Variants in DTNB observed in about 807,000 individuals in gnomAD.
DTNB encodes DTN-B.
DTNB carries 63 observed loss-of-function variants against 90.7 expected under a neutral mutation model. The ratio of observed to expected loss-of-function variants is 0.69; its 90% CI spans 0.57 to 0.86. The LOEUF (loss-of-function observed/expected upper bound fraction) is 0.86, where lower values mean the gene tolerates loss of function less well. Ranked by LOEUF, DTNB falls within the 40% of genes least tolerant of loss-of-function variation. DTNB has a pLI of 0.00. For synonymous variants in DTNB, 277 were observed against 286.7 expected (o/e 0.97, Z 0.34); for missense variants, 744 against 807.1 (o/e 0.92, Z 0.95).
At chr2:25,401,189 C>A (rs2043624761) in intron 16 of DTNB, among the ~76,000 whole-genome samples, 1 of 152,138 alleles carries the variant, frequency 6.6e-6, no homozygotes, top group Non-Finnish European at 1.5e-5. Flanking sequence ...GGGATCACAG[C>A]ACAATGTTTC....
At chr2:25,630,484 T>C (rs2075418914) in intron 3 of DTNB, among the ~76,000 whole-genome samples, 1 of 152,130 alleles carries the variant, frequency 6.6e-6, no homozygotes. Flanking sequence ...TCCATCAATA[T>C]AGATACACGG....
At chr2:25,643,362 G>A (rs1467307124) in intron 2 of DTNB, among the ~76,000 whole-genome samples, 1 of 152,146 alleles carries the variant, frequency 6.6e-6, no homozygotes, top group African/African-American at 2.4e-5. Flanking sequence ...TCCAGGAAAC[G>A]AAGTTACATG....
intron 4 of DTNB, among the ~76,000 whole-genome samples, chr2:25,618,035 GA>G (rs1352416891): frequency 2.0e-5 from 3 of 151,656 alleles, no homozygotes; most frequent in East Asian, 1.9e-4. Context: ...CCTTCAAAAA[GA>G]AAAAAAACTT....
chr2:25,400,446 C>A (rs781030960), intron 16 of DTNB, among the ~76,000 whole-genome samples: 1 of 152,196 alleles, frequency 6.6e-6, no homozygotes, highest in African/African-American at 2.4e-5. Flanking sequence ...CTAGAATACG[C>A]GGCACAGTGG....
rs1389955163 is a variant in DTNB, at chr2:25,656,616, T to C, written c.-1-3955A>G. ...ATCCACCCTCTTTTCCCATTTCAAC[T>C]GCCAAAATCTTTGTCCACACTAATG... On this transcript the variant is annotated intron_variant, in intron 1 of 20. Coordinates refer to ENST00000406818, the MANE Select transcript of DTNB (RefSeq NM_021907.5). Among the ~76,000 whole-genome samples, 5 of 152,336 alleles carry C rather than the reference T, an allele frequency of 3.3e-5. No individual in the cohort carries two copies. In the South Asian group the frequency reaches 1.0e-3, roughly 32 times the overall value.
chr2:25,425,290 A>AACC lies in DTNB; in HGVS notation c.1554+2242_1554+2244dup, dbSNP rs564901080. Among the ~76,000 whole-genome samples, 1,003 of 152,234 alleles carry AACC rather than the reference A, an allele frequency of 6.6e-3. 5 individuals are homozygous for AACC. Among genetic ancestry groups the AACC allele is most frequent in the Middle Eastern group, 0.017 (5 of 294 alleles). On this transcript the variant is annotated intron_variant, in intron 15 of 20. Transcript: ENST00000406818. ...GCCAAAGCTAGGGGGAAAAAACAAC[A>AACC]ACCACCACCACCACCAACACCACCA...
intron 1 of DTNB, among the ~76,000 whole-genome samples, chr2:25,663,289 T>C (rs1482038378): frequency 6.6e-6 from 1 of 152,226 alleles, no homozygotes; most frequent in Non-Finnish European, 1.5e-5. Context: ...GTATGTGCCA[T>C]ATTTTCTTTA....
At chr2:25,589,615 G>A (rs1017607000) in intron 6 of DTNB, among the ~76,000 whole-genome samples, 1 of 151,914 alleles carries the variant, frequency 6.6e-6, no homozygotes, top group African/African-American at 2.4e-5. Context: ...CCTGACCTCA[G>A]GTGATCCACC....
At position 25,388,305 on chromosome 2, in the gene DTNB, C is replaced by A. The variant is rs1558304534; in HGVS notation, c.1632G>T (p.Met544Ile). ...TSPTHGGGRPMPMPVRSTSAG... is the reference protein window; with the variant it reads ...TSPTHGGGRPIPMPVRSTSAG... ...CAGACGTGGAGCGCACTGGCATGGG[C>A]ATTGGCCGGCCGCCTCCATGGGTGG... is the stretch of plus-strand genomic sequence containing the variant. The change falls in exon 17 of 21, where the codon ATG becomes ATT. Residue 544 changes from methionine (M) to isoleucine (I), a missense_variant. Transcript: ENST00000406818. 1.9e-6 allele frequency: 3 copies of A among 1,613,422 alleles called. No homozygotes were observed. The highest frequency in any genetic ancestry group is 1.7e-6 in the Non-Finnish European group (2 of 1,179,592).
In DTNB at chr2:25,626,266, C is replaced by T. The variant is rs542824622; in HGVS notation, c.362+1905G>A. Among the ~76,000 whole-genome samples, 6 of 152,070 alleles carry T rather than the reference C, an allele frequency of 3.9e-5. No homozygotes were observed. In the East Asian group the frequency reaches 1.2e-3, roughly 29 times the overall value. On this transcript the variant is annotated intron_variant, in intron 4 of 20. Coordinates refer to ENST00000406818, the MANE Select transcript of DTNB (RefSeq NM_021907.5). ...CTTGAGTTAATTTGTGTTGTGTGAC[C>T]CATGAATTGGTTTACTGAGTGAGTC...
chr2:25,389,326 A>G (rs1274971560), intron 16 of DTNB, among the ~76,000 whole-genome samples: 3 of 152,338 alleles, frequency 2.0e-5, no homozygotes, highest in Non-Finnish European at 4.4e-5. Context: ...GCATGTGCGG[A>G]GCTCGGCTGC....
At chr2:25,579,847 A>C (rs2061287134) in intron 7 of DTNB, among the ~76,000 whole-genome samples, 1 of 152,158 alleles carries the variant, frequency 6.6e-6, no homozygotes, top group Non-Finnish European at 1.5e-5. Context: ...TTGATAAATC[A>C]AAGAGGAAGC....
At chr2:25,562,630 C>T (rs1052948213) in intron 8 of DTNB, among the ~76,000 whole-genome samples, 24 of 152,138 alleles carry the variant, frequency 1.6e-4, no homozygotes, top group African/African-American at 4.8e-4. Context: ...CTACTGGGTA[C>T]GAAATAGCAC....
rs560046526 is a variant in DTNB, at chr2:25,455,802, C to T, written c.1080-308G>A. On this transcript the variant is annotated intron_variant, in intron 10 of 20. Coordinates refer to ENST00000406818, the MANE Select transcript of DTNB (RefSeq NM_021907.5). ...ATGTACCACTTTTGTTCGGGTGCTG[C>T]GCTCTGTGATGATGCACTTTTTAGA... Among the ~76,000 whole-genome samples, 8 of 152,334 alleles carry T rather than the reference C, an allele frequency of 5.3e-5. No homozygotes were observed. In the South Asian group the frequency reaches 6.2e-4, roughly 12 times the overall value.
At chr2:25,555,879 G>C (rs1229182205) in intron 8 of DTNB, among the ~76,000 whole-genome samples, 1 of 152,128 alleles carries the variant, frequency 6.6e-6, no homozygotes, top group Admixed American at 6.6e-5. Flanking sequence ...AATTAGCAGG[G>C]CATGGTGGCG....
At chr2:25,444,684 G>A (rs566388601) in intron 12 of DTNB, among the ~76,000 whole-genome samples, 166 of 152,248 alleles carry the variant, frequency 1.1e-3, no homozygotes, top group African/African-American at 3.8e-3. Flanking sequence ...GTTATGGCAC[G>A]GACGCTGAAG....
chr2:25,526,395 A>ATTTTTTTT (rs1245672956), intron 9 of DTNB, among the ~76,000 whole-genome samples: 21 of 49,828 alleles, frequency 4.2e-4, no homozygotes, highest in African/African-American at 1.4e-3. Context: ...ATATATATAT[A>ATTTTTTTT]TTTTTTTTTT....
intron 6 of DTNB, among the ~76,000 whole-genome samples, chr2:25,584,602 C>A (rs1307750282): frequency 1.3e-5 from 2 of 151,838 alleles, no homozygotes; most frequent in South Asian, 4.2e-4. Context: ...TTTTGCCCAG[C>A]CTGGAGTGCA....
Position 25,415,908 on chromosome 2 carries a change from G to A in DTNB, c.1575+3607C>T, listed in dbSNP as rs2047809459. ...AACCTTTAAAATCACTAGTAATAGT[G>A]AGTAAAGTGCTTCTCAGAGTTTCAT... On this transcript the variant is annotated intron_variant, in intron 16 of 20. Transcript: ENST00000406818. 2.0e-5 allele frequency among the ~76,000 whole-genome samples: 3 copies of A among 152,166 alleles called. No individual in the cohort carries two copies. In the South Asian group the frequency reaches 6.2e-4, roughly 32 times the overall value.
Sources: gnomAD v4.1 joint callset for allele counts (sites outside exome capture counted in the v4.1 genomes callset) on GRCh38, gnomAD v4.1.1 for gene constraint, MANE v1.5 for transcripts, NCBI Gene and HGNC (gene_info 2026-07-23, HGNC 2026-07-21) for gene names.